The following CAMTA1 variants were observed in gnomAD, a reference collection of about 807,000 sequenced individuals.
CAMTA1 encodes calmodulin-binding transcription activator 1.
A neutral mutation model predicts 170.9 loss-of-function variants in CAMTA1; 27 were observed. That is an observed-to-expected ratio of 0.16 (90% CI 0.12 to 0.22). CAMTA1 has a LOEUF of 0.22. Among genes scored for constraint, CAMTA1 ranks in the 10% least tolerant of loss-of-function variants. The pLI is 1.00. For missense variants in CAMTA1, 1,619 were observed against 2,217.2 expected, an observed-to-expected ratio of 0.73 and a Z score of 5.42; for synonymous variants, 833 against 891.5, an observed-to-expected ratio of 0.93 and a Z score of 1.17.
chr1:7,173,935 A>G lies in CAMTA1; in HGVS notation c.303-75556A>G, dbSNP rs1483595269. ...GTACCAACAAAACCTAGTGGAACTCAGAGGGGCCCAGCCTTTACCATGGGT... is the reference window on the plus strand; with the variant it reads ...GTACCAACAAAACCTAGTGGAACTCGGAGGGGCCCAGCCTTTACCATGGGT... On this transcript the variant is annotated intron_variant, in intron 4 of 22. Coordinates refer to ENST00000303635, the MANE Select transcript of CAMTA1 (RefSeq NM_015215.4). This position sits in a 1 kb window ranked among gnomAD's most constrained non-coding sequence, Gnocchi z 5.4. Among the ~76,000 whole-genome samples the G allele has an allele frequency of 2.6e-5, 4 of 152,148 alleles. No homozygotes were observed. The highest frequency in any genetic ancestry group is 5.9e-5 in the Non-Finnish European group (4 of 68,022).
chr1:7,658,387 G>A (rs943600524), intron 7 of CAMTA1, among the ~76,000 whole-genome samples: 14 of 152,158 alleles, frequency 9.2e-5, no homozygotes, highest in African/African-American at 1.7e-4. Context: ...CTAACGGCAC[G>A]TGAGGAGCCT....
rs754356402 is a variant in CAMTA1, at chr1:7,664,309, G to A, written c.1762G>A (p.Ala588Thr). Residue 588 changes from alanine (A) to threonine (T), a missense_variant, in exon 9 of 23, where the codon GCC becomes ACC. Physicochemically the swap from Ala to Thr is moderately conservative, Grantham distance 58 (BLOSUM62 0). Coordinates refer to ENST00000303635, the MANE Select transcript of CAMTA1 (RefSeq NM_015215.4). ...CACCCTGGAGCAGATGGACTTCAGCGCCATCGACTCCAACAAGGACTACAC... is the reference window on the plus strand; with the variant it reads ...CACCCTGGAGCAGATGGACTTCAGCACCATCGACTCCAACAAGGACTACAC... ...STTLEQMDFSAIDSNKDYTSS... is the reference protein window; with the variant it reads ...STTLEQMDFSTIDSNKDYTSS... 7 of 1,613,210 alleles carry A rather than the reference G, an allele frequency of 4.3e-6. No homozygotes were observed. Among genetic ancestry groups the A allele is most frequent in the South Asian group, 1.1e-5 (1 of 91,086 alleles).
intron 3 of CAMTA1, among the ~76,000 whole-genome samples, chr1:6,861,040 C>T (rs1664491152): frequency 1.3e-5 from 2 of 150,272 alleles, no homozygotes; most frequent in South Asian, 4.2e-4. Flanking sequence ...TCTCAACTCA[C>T]TGCAACCTCC....
At chr1:7,260,334 T>C (rs1482184419) in intron 5 of CAMTA1, among the ~76,000 whole-genome samples, 2 of 152,228 alleles carry the variant, frequency 1.3e-5, no homozygotes, top group Non-Finnish European at 1.5e-5. Context: ...ATGTATACTT[T>C]TATTTACAAC....
rs151188311 is a variant in CAMTA1, at chr1:7,226,630, C to T, written c.303-22861C>T. Among the ~76,000 whole-genome samples the T allele has an allele frequency of 1.1e-4, 16 of 152,236 alleles. No homozygotes were observed. The East Asian group carries it at 2.7e-3, about 26-fold the overall frequency. Reference sequence around the variant, plus strand: ...GCTTCCGGACTTTTCCTTATGTACACATAGACATATAGGTGCTGGGTAAGT... The same window carrying T: ...GCTTCCGGACTTTTCCTTATGTACATATAGACATATAGGTGCTGGGTAAGT... On this transcript the variant is annotated intron_variant, in intron 4 of 22. Transcript: ENST00000303635.
chr1:6,985,913 C>A (rs1695279655), intron 3 of CAMTA1, among the ~76,000 whole-genome samples: 1 of 152,230 alleles, frequency 6.6e-6, no homozygotes. Context: ...GCTCTCTGCA[C>A]CTCTGTGTAT....
At chr1:7,258,085 A>G (rs529425872) in intron 5 of CAMTA1, among the ~76,000 whole-genome samples, 1 of 152,288 alleles carries the variant, frequency 6.6e-6, no homozygotes. Flanking sequence ...AAACGTGAGG[A>G]CTTCCAGATA....
At chr1:7,622,352 C>T (rs1321340236) in intron 6 of CAMTA1, among the ~76,000 whole-genome samples, 2 of 152,234 alleles carry the variant, frequency 1.3e-5, no homozygotes, top group East Asian at 1.9e-4. Context: ...ATCTAACTTC[C>T]ACTTGGATGT....
intron 6 of CAMTA1, among the ~76,000 whole-genome samples, chr1:7,485,967 G>A (rs906644273): frequency 6.6e-6 from 1 of 152,316 alleles, no homozygotes; most frequent in Non-Finnish European, 1.5e-5. Flanking sequence ...GAGAGTGCAC[G>A]CTCACAACAT....
intron 5 of CAMTA1, chr1:7,388,358 C>G (rs2088256205): frequency 6.6e-6 from 1 of 152,250 alleles, no homozygotes; most frequent in East Asian, 1.9e-4. Flanking sequence ...AGCCTCTCTT[C>G]TGGGTGAGCC....
intron 3 of CAMTA1, among the ~76,000 whole-genome samples, chr1:7,026,685 C>T (rs969163045): frequency 7.2e-6 from 1 of 139,468 alleles, no homozygotes; most frequent in Non-Finnish European, 1.5e-5. Flanking sequence ...GGCTGGAGTG[C>T]AGTGGCGCGA....
chr1:7,518,048 C>G (rs2094310598), intron 6 of CAMTA1, among the ~76,000 whole-genome samples: 1 of 151,918 alleles, frequency 6.6e-6, no homozygotes, highest in Admixed American at 6.5e-5. Context: ...CACTGGGGGA[C>G]AAGAGGACAT....
At chr1:7,076,966 G>C (rs553391427) in intron 3 of CAMTA1, among the ~76,000 whole-genome samples, 16 of 152,342 alleles carry the variant, frequency 1.1e-4, no homozygotes, top group Non-Finnish European at 1.8e-4. Context: ...AGCAAATAAA[G>C]GTGGTGACTA....
At chr1:7,184,497 C>T (rs745698007) in intron 4 of CAMTA1, among the ~76,000 whole-genome samples, 5 of 151,932 alleles carry the variant, frequency 3.3e-5, no homozygotes, top group Non-Finnish European at 5.9e-5. Context: ...TATATACCTA[C>T]TATGTACCCA....
intron 5 of CAMTA1, among the ~76,000 whole-genome samples, chr1:7,365,823 G>A (rs2085920589): frequency 6.6e-6 from 1 of 152,192 alleles, no homozygotes; most frequent in Admixed American, 6.5e-5. Context: ...AGTCAGGGGA[G>A]CTGGTTCCAC....
intron 4 of CAMTA1, among the ~76,000 whole-genome samples, chr1:7,232,296 C>G (rs113506449): frequency 1.1e-3 from 175 of 152,224 alleles, no homozygotes; most frequent in Non-Finnish European, 6.8e-4. Flanking sequence ...ACGGCTGCCC[C>G]GGCTTCTCAG....
At chr1:6,921,703 G>A (rs987878086) in intron 3 of CAMTA1, among the ~76,000 whole-genome samples, 6 of 152,216 alleles carry the variant, frequency 3.9e-5, no homozygotes, top group African/African-American at 1.4e-4. Context: ...GGAGGAGCAA[G>A]TCACATCTTA....
At chr1:6,833,991 G>C (rs1023233592) in intron 3 of CAMTA1, among the ~76,000 whole-genome samples, 1 of 152,110 alleles carries the variant, frequency 6.6e-6, no homozygotes, top group Admixed American at 6.5e-5. Flanking sequence ...TGAGTGTTGG[G>C]TAAGGCACTT....
chr1:7,152,828 G>A (rs190377575), intron 4 of CAMTA1, among the ~76,000 whole-genome samples: 1 of 152,342 alleles, frequency 6.6e-6, no homozygotes, highest in Non-Finnish European at 1.5e-5. Context: ...TGAACCAGAG[G>A]GAGTGGTGCT....
Sources: allele counts gnomAD v4.1 joint callset (sites outside exome capture counted in the v4.1 genomes callset), GRCh38; gene constraint gnomAD v4.1.1; non-coding constraint Gnocchi (gnomAD v3.1); transcripts MANE v1.5; gene names NCBI Gene and HGNC (gene_info 2026-07-23, HGNC 2026-07-21).